FGF1: variants seen among roughly 807,000 people sequenced by gnomAD.
FGF1 encodes the protein beta-endothelial cell growth factor.
FGF1 carries 9 observed loss-of-function variants against 13.4 expected under a neutral mutation model. The ratio of observed to expected loss-of-function variants is 0.67; its 90% confidence interval spans 0.40 to 1.17. FGF1 has a LOEUF of 1.17. Ranked by LOEUF, FGF1 falls within the 50% of genes most tolerant of loss-of-function variation. The probability of loss-of-function intolerance (pLI) is 0.01; values close to 1 mark genes in which losing one functional copy is unlikely to be tolerated. For missense variants in FGF1, 156 were observed against 192.7 expected (o/e 0.81, Z 1.13); for synonymous variants, 93 against 79.0 (o/e 1.18, Z -0.94).
At chr5:142,671,594 A>ACTCCC (rs1342945343) in intron 1 of FGF1, among the ~76,000 whole-genome samples, 1 of 152,094 alleles carries the variant, frequency 6.6e-6, no homozygotes, top group East Asian at 1.9e-4. Flanking sequence ...AGACTTTAAC[A>ACTCCC]CTCCCCTCCT....
chr5:142,678,438 G>T (rs1007890364), intron 1 of FGF1, among the ~76,000 whole-genome samples: 4 of 152,168 alleles, frequency 2.6e-5, no homozygotes, highest in Non-Finnish European at 1.5e-5. Flanking sequence ...CACCTGCAAG[G>T]CTGCAAACAC....
intron 2 of FGF1, among the ~76,000 whole-genome samples, chr5:142,611,268 C>T (rs1359682894): frequency 6.6e-6 from 1 of 152,156 alleles, no homozygotes; most frequent in African/African-American, 2.4e-5. Flanking sequence ...AACAGAACCA[C>T]ATTCAGGGAG....
At chr5:142,695,495 T>A (rs1310326637) in intron 2 of FGF1, among the ~76,000 whole-genome samples, 2 of 149,626 alleles carry the variant, frequency 1.3e-5, no homozygotes, top group Non-Finnish European at 3.0e-5. Context: ...GGCAAAAGAA[T>A]CGCTTGAACC....
At chr5:142,688,737 C>T (rs991818904), upstream of FGF1, among the ~76,000 whole-genome samples, 5 of 152,216 alleles carry the variant, frequency 3.3e-5, no homozygotes, top group Admixed American at 6.5e-5. Context: ...TCCACAGAGA[C>T]GTGGGCTTGC....
chr5:142,601,245 C>G, intron 2 of FGF1: 1 of 427,254 alleles, frequency 2.3e-6, no homozygotes, highest in Non-Finnish European at 4.8e-6. Flanking sequence ...CATTATCAAC[C>G]TGCACAGGGG....
intron 2 of FGF1, among the ~76,000 whole-genome samples, chr5:142,691,190 G>A (rs985716262): frequency 1.3e-5 from 2 of 152,232 alleles, no homozygotes; most frequent in Non-Finnish European, 2.9e-5. Context: ...GGAGGCCGAC[G>A]CGGGTGGATC....
At chr5:142,687,714 G>A (rs1184369357), upstream of FGF1, among the ~76,000 whole-genome samples, 1 of 152,180 alleles carries the variant, frequency 6.6e-6, no homozygotes, top group Non-Finnish European at 1.5e-5. Context: ...AGACTTGAAA[G>A]TTAGAAAATA....
intron 2 of FGF1, chr5:142,601,037 C>G (rs555479404): frequency 2.5e-4 from 154 of 608,064 alleles, no homozygotes; most frequent in Admixed American, 4.9e-4. Flanking sequence ...AGACAACGGC[C>G]GGCTCACCTA....
chr5:142,689,432 G>A (rs1751777860), upstream of FGF1, among the ~76,000 whole-genome samples: 1 of 152,136 alleles, frequency 6.6e-6, no homozygotes, highest in Non-Finnish European at 1.5e-5. Flanking sequence ...AATTGTATTC[G>A]TTGCTCAAGG....
chr5:142,659,318 TC>T (rs1321437780), intron 1 of FGF1, among the ~76,000 whole-genome samples: 1 of 150,782 alleles, frequency 6.6e-6, no homozygotes, highest in Non-Finnish European at 1.5e-5. Context: ...AACCTCTGCC[TC>T]CCGGGTTCAA....
intron 1 of FGF1, among the ~76,000 whole-genome samples, chr5:142,660,900 CTG>C (rs1769100417): frequency 6.6e-6 from 1 of 152,194 alleles, no homozygotes; most frequent in African/African-American, 2.4e-5. Flanking sequence ...CTTCTTTATT[CTG>C]TGTTCCTCCT....
At chr5:142,646,208 CTTTTTTTTTTTTTT>C (rs762008952) in intron 1 of FGF1, among the ~76,000 whole-genome samples, 1 of 54,916 alleles carries the variant, frequency 1.8e-5, no homozygotes, top group Admixed American at 2.9e-4. Context: ...CGCACCTGGC[CTTTTTTTTTTTTTT>C]TTTTTTTTTT....
At chr5:142,608,238 T>G (rs962548998) in intron 2 of FGF1, among the ~76,000 whole-genome samples, 3 of 152,156 alleles carry the variant, frequency 2.0e-5, no homozygotes, top group Non-Finnish European at 4.4e-5. Flanking sequence ...CTGTGGCCTC[T>G]AAGCCTGCTT....
chr5:142,639,517 A>T lies in FGF1; in HGVS notation c.-34-25356T>A, dbSNP rs188816649. 2.2e-4 allele frequency among the ~76,000 whole-genome samples: 34 copies of T among 152,166 alleles called. No homozygotes were observed. The East Asian group carries it at 6.4e-3, about 28-fold the overall frequency. On this transcript the variant is annotated intron_variant, in intron 1 of 3. Coordinates refer to ENST00000337706, the MANE Select transcript of FGF1 (RefSeq NM_000800.5). ...TCACTTATATGTGGAATCTAAAAAAAGTCAAACTCATTGAAGTAGAGAGTA... is the reference window on the plus strand; with the variant it reads ...TCACTTATATGTGGAATCTAAAAAATGTCAAACTCATTGAAGTAGAGAGTA...
chr5:142,647,950 TG>T (rs1766470922), intron 1 of FGF1, among the ~76,000 whole-genome samples: 1 of 152,102 alleles, frequency 6.6e-6, no homozygotes, highest in Non-Finnish European at 1.5e-5. Flanking sequence ...CTGGGCGTGG[TG>T]GTGCGCACCT....
intron 1 of FGF1, among the ~76,000 whole-genome samples, chr5:142,629,482 A>C (rs249918): frequency 0.51 from 78,216 of 152,020 alleles, 20,799 homozygotes; most frequent in Non-Finnish European, 0.58. Flanking sequence ...TTTCATTAAC[A>C]CATAACATTT....
chr5:142,682,085 ATT>A (rs371659888), intron 1 of FGF1, among the ~76,000 whole-genome samples: 25,992 of 134,776 alleles, frequency 0.19, 2,663 homozygotes, highest in Non-Finnish European at 0.26. Flanking sequence ...TTTCTCCTCT[ATT>A]TTTTTTTTTT....
intron 1 of FGF1, among the ~76,000 whole-genome samples, chr5:142,678,470 C>A: frequency 6.6e-6 from 1 of 152,178 alleles, no homozygotes; most frequent in East Asian, 1.9e-4. Context: ...TCTCCCTCAC[C>A]CGCAGCACCC....
chr5:142,648,689 C>CAAAAAAAAA (rs11451715), intron 1 of FGF1, among the ~76,000 whole-genome samples: 101 of 66,192 alleles, frequency 1.5e-3, no homozygotes, highest in African/African-American at 1.7e-3. Flanking sequence ...CCCCACCAAC[C>CAAAAAAAAA]AAAAAAAAAA....
Sources: gnomAD v4.1 joint callset for allele counts (sites outside exome capture counted in the v4.1 genomes callset) on GRCh38, gnomAD v4.1.1 for gene constraint, MANE v1.5 for transcripts, NCBI Gene and HGNC (gene_info 2026-07-23, HGNC 2026-07-21) for gene names.